EAF2: variants seen among roughly 807,000 people sequenced by gnomAD.
EAF2 encodes ELL-associated factor 2.
EAF2 carries 29 observed loss-of-function variants against 29.4 expected under a neutral mutation model. The ratio of observed to expected loss-of-function variants is 0.99; its 90% CI spans 0.73 to 1.35. The LOEUF is 1.35. Among genes scored for constraint, EAF2 ranks in the 40% most tolerant of loss-of-function variants. The pLI is 0.00. For missense variants in EAF2, 292 were observed against 312.0 expected (o/e 0.94, Z 0.48); for synonymous variants, 103 against 102.5 (o/e 1.00, Z -0.03).
In EAF2 at chr3:121,872,821, G is replaced by T. The variant is rs753063023; in HGVS notation, c.736+33G>T. ...TACATAAACACAGGCAATTGGAAAA[G>T]TAAGAATTTATAGTGGAGCCATATT... is the stretch of plus-strand genomic sequence containing the variant. On this transcript the variant is annotated intron_variant, in intron 5 of 5. Transcript: ENST00000273668. 3 of 1,582,716 alleles carry T rather than the reference G, an allele frequency of 1.9e-6. No individual in the cohort carries two copies. In the African/African-American group the frequency reaches 4.1e-5, roughly 22 times the overall value.
At chr3:121,857,673 T>C (rs35692621) in intron 4 of EAF2, among the ~76,000 whole-genome samples, 22,207 of 152,050 alleles carry the variant, frequency 0.15, 2,020 homozygotes, top group African/African-American at 0.25. Context: ...ATTTGTATCA[T>C]TTTATTTATT....
chr3:121,849,403 T>A (rs1050474949), intron 2 of EAF2, among the ~76,000 whole-genome samples: 33 of 152,200 alleles, frequency 2.2e-4, no homozygotes, highest in African/African-American at 7.7e-4. Flanking sequence ...CAAACAGTTC[T>A]CCATGATTGC....
chr3:121,859,017 C>T (rs1708776969), intron 4 of EAF2, among the ~76,000 whole-genome samples: 1 of 152,078 alleles, frequency 6.6e-6, no homozygotes, highest in Non-Finnish European at 1.5e-5. Context: ...CTGTTATGTT[C>T]CATTGGTCTA....
intron 4 of EAF2, among the ~76,000 whole-genome samples, chr3:121,870,022 C>T (rs956918302): frequency 7.9e-5 from 12 of 152,056 alleles, no homozygotes; most frequent in African/African-American, 2.9e-4. Context: ...ATAGTGCTAT[C>T]AATATTAAAT....
intron 2 of EAF2, among the ~76,000 whole-genome samples, chr3:121,848,352 C>T (rs184924150): frequency 7.7e-4 from 117 of 152,212 alleles, no homozygotes; most frequent in African/African-American, 2.5e-3. Flanking sequence ...TATAGGAGTA[C>T]ATTAAGTAAT....
chr3:121,883,255 A>G (rs1017246959), intron 5 of EAF2, among the ~76,000 whole-genome samples: 6 of 152,188 alleles, frequency 3.9e-5, no homozygotes, highest in Non-Finnish European at 7.3e-5. Context: ...ATATGCATAT[A>G]TATTAAAAAA....
At chr3:121,883,736 C>G (rs990320565) in intron 5 of EAF2, among the ~76,000 whole-genome samples, 1 of 152,214 alleles carries the variant, frequency 6.6e-6, no homozygotes, top group Non-Finnish European at 1.5e-5. Context: ...CAGTACTACT[C>G]TCAGTGATAA....
intron 4 of EAF2, among the ~76,000 whole-genome samples, chr3:121,865,663 T>TA (rs199771527): frequency 3.3e-5 from 5 of 150,842 alleles, no homozygotes; most frequent in East Asian, 1.9e-4. Context: ...CCCATCTCTA[T>TA]AAAAAAAAAT....
At chr3:121,870,532 G>A (rs963508012) in intron 4 of EAF2, among the ~76,000 whole-genome samples, 6 of 152,092 alleles carry the variant, frequency 3.9e-5, no homozygotes, top group South Asian at 2.1e-4. Flanking sequence ...CACTTAAACC[G>A]ATTCAAGAAG....
At chr3:121,841,507 A>G (rs1708427157) in intron 1 of EAF2, among the ~76,000 whole-genome samples, 1 of 21,656 alleles carries the variant, frequency 4.6e-5, no homozygotes, top group Non-Finnish European at 7.6e-5. Context: ...CCTGTCTCAA[A>G]AAAAAAAAAA....
At chr3:121,853,221 T>C (rs893619294) in intron 2 of EAF2, among the ~76,000 whole-genome samples, 1 of 152,216 alleles carries the variant, frequency 6.6e-6, no homozygotes, top group Non-Finnish European at 1.5e-5. Flanking sequence ...ACCATGCTAT[T>C]ATCACAAATA....
At chr3:121,866,281 C>T (rs567726247) in intron 4 of EAF2, among the ~76,000 whole-genome samples, 52 of 152,142 alleles carry the variant, frequency 3.4e-4, no homozygotes, top group Admixed American at 1.2e-3. Flanking sequence ...ACTCTGAAAA[C>T]GAGATTGTCA....
chr3:121,858,834 A>G (rs1708772203), intron 4 of EAF2, among the ~76,000 whole-genome samples: 2 of 152,268 alleles, frequency 1.3e-5, no homozygotes, highest in African/African-American at 2.4e-5. Context: ...TCCATCTTGA[A>G]TTAATTTTTA....
At chr3:121,845,866 C>T (rs996233158) in intron 2 of EAF2, among the ~76,000 whole-genome samples, 11 of 152,096 alleles carry the variant, frequency 7.2e-5, no homozygotes, top group Non-Finnish European at 1.5e-4. Context: ...AAATACTATT[C>T]GCATACAAAT....
rs370593056 is a variant in EAF2, at chr3:121,872,755, C to A, written c.703C>A (p.Arg235=). Residue 235 remains arginine (R), a synonymous_variant, in exon 5 of 6, where the codon CGA becomes AGA. Transcript: ENST00000273668. ...TATAGATGCCAGTCATAATAGATTT[C>A]GAGACAACAGTGGCCTTCTGATGAA... ...PDIDASHNRF[R]DNSGLLMNTL... The A allele has an allele frequency of 1.9e-6, 3 of 1,611,872 alleles. No homozygotes were observed. The highest frequency in any genetic ancestry group is 2.7e-5 in the African/African-American group (2 of 74,882).
rs72961316 is a variant in EAF2 at position 121,873,115 on chromosome 3, C to T, written c.736+327C>T. The T allele has an allele frequency of 2.8e-3, 1,902 of 673,544 alleles. 29 individuals are homozygous for T. In the African/African-American group the frequency reaches 0.031, roughly 11 times the overall value. 41.7% of individuals were successfully genotyped at this position (673,544 alleles called of 1,614,324 possible). On this transcript the variant is annotated intron_variant, in intron 5 of 5. Transcript: ENST00000273668. ...CATTCTACAATTTCTCCCTAAATAACTTCCTCCATGTTTCTGTTGCAGTCA... is the reference window on the plus strand; with the variant it reads ...CATTCTACAATTTCTCCCTAAATAATTTCCTCCATGTTTCTGTTGCAGTCA...
chr3:121,837,980 T>C (rs1016551095), intron 1 of EAF2, among the ~76,000 whole-genome samples: 5 of 152,204 alleles, frequency 3.3e-5, no homozygotes, highest in Non-Finnish European at 2.9e-5. Context: ...ATGACACCAC[T>C]TTTTTGTGTC....
chr3:121,865,828 C>T (rs1275755756), intron 4 of EAF2, among the ~76,000 whole-genome samples: 1 of 152,124 alleles, frequency 6.6e-6, no homozygotes, highest in Non-Finnish European at 1.5e-5. Context: ...AGGTTCCCTT[C>T]CTCCATCAGA....
At chr3:121,867,639 G>A (rs2689285) in intron 4 of EAF2, among the ~76,000 whole-genome samples, 118,589 of 152,108 alleles carry the variant, frequency 0.78, 46,836 homozygotes, top group East Asian at 0.94. Context: ...AATATTGGCT[G>A]TATAAAGTCA....
Sources: gnomAD v4.1 joint callset for allele counts (sites outside exome capture counted in the v4.1 genomes callset) on GRCh38, gnomAD v4.1.1 for gene constraint, MANE v1.5 for transcripts, NCBI Gene and HGNC (gene_info 2026-07-23, HGNC 2026-07-21) for gene names.